VWF: variants seen among roughly 807,000 people sequenced by gnomAD.
VWF encodes the protein von Willebrand factor.
Under a neutral mutation model 308.6 loss-of-function variants are expected in VWF, and 176 were observed. The observed-to-expected ratio is 0.57, with a 90% CI of 0.50 to 0.65. VWF has a LOEUF of 0.65. VWF is among the 30% of genes least tolerant of loss of function. VWF has a pLI of 0.00. For synonymous variants in VWF, 1,385 were observed against 1,443.4 expected (o/e 0.96, Z 0.92); for missense variants, 3,146 against 3,648.2 (o/e 0.86, Z 3.55).
chr12:6,098,208 G>A (rs370850143), intron 5 of VWF, among the ~76,000 whole-genome samples: 2 of 152,352 alleles, frequency 1.3e-5, no homozygotes, highest in East Asian at 3.9e-4. Context: ...AAACATTGTT[G>A]AGTCTTTAAC....
At chr12:5,954,800 G>C (rs1196863654) in intron 47 of VWF, among the ~76,000 whole-genome samples, 1 of 152,182 alleles carries the variant, frequency 6.6e-6, no homozygotes, top group Non-Finnish European at 1.5e-5. Context: ...ACACGGGAGA[G>C]AGTTTGCTGT....
chr12:6,106,191 T>C (rs1012037760), intron 5 of VWF, among the ~76,000 whole-genome samples: 2 of 152,220 alleles, frequency 1.3e-5, no homozygotes. Context: ...GTACGGTCTG[T>C]ATGCACAATG....
At chr12:5,976,809 T>C (rs561177188) in intron 42 of VWF, among the ~76,000 whole-genome samples, 1 of 152,202 alleles carries the variant, frequency 6.6e-6, no homozygotes, top group South Asian at 2.1e-4. Flanking sequence ...AACAATAGGC[T>C]CTGGTAGAGA....
chr12:6,023,806 G>A lies in VWF; in HGVS notation c.3223-19C>T. 3 of 1,610,642 alleles carry A rather than the reference G, an allele frequency of 1.9e-6. No individual in the cohort carries two copies. The African/African-American group carries it at 4.0e-5, about 22-fold the overall frequency. ...GGTCCACCTGCAAAGGCAGCCTCAGGTGGCCCAGGCCTATGGCCAGGTGTC... is the reference window on the plus strand; with the variant it reads ...GGTCCACCTGCAAAGGCAGCCTCAGATGGCCCAGGCCTATGGCCAGGTGTC... On this transcript the variant is annotated intron_variant, in intron 24 of 51. Transcript: ENST00000261405.
intron 15 of VWF, among the ~76,000 whole-genome samples, chr12:6,054,760 C>G (rs1417677929): frequency 6.7e-6 from 1 of 148,594 alleles, no homozygotes. Flanking sequence ...TAAGTCTGTG[C>G]TCCCTGAGTG....
At chr12:6,010,436 G>C (rs1943981465) in intron 34 of VWF, among the ~76,000 whole-genome samples, 1 of 152,200 alleles carries the variant, frequency 6.6e-6, no homozygotes, top group Non-Finnish European at 1.5e-5. Flanking sequence ...TCACCTGTTA[G>C]AGGAGAATCT....
At position 6,019,360 on chromosome 12, in the gene VWF, T is replaced by A; in HGVS notation, c.4058A>T (p.Gln1353Leu). 6.2e-7 allele frequency: 1 copy of A among 1,613,828 alleles called. No individual in the cohort carries two copies. Among genetic ancestry groups the A allele is most frequent in the East Asian group, 2.2e-5 (1 of 44,884 alleles). The change falls in exon 28 of 52, where the codon CAG becomes CTG. Residue 1353 changes from glutamine (Q) to leucine (L), a missense_variant. Coordinates refer to ENST00000261405, the MANE Select transcript of VWF (RefSeq NM_000552.5). The surrounding 1 kb of genome is among the most constrained non-coding windows in gnomAD (Gnocchi z 5.8). Reference sequence around the variant, plus strand: ...CAAGACCTCGCTGGTGGAGGCCACCTGGCTGCCCGCATACTTCACCTGGCT... The same window carrying A: ...CAAGACCTCGCTGGTGGAGGCCACCAGGCTGCCCGCATACTTCACCTGGCT... ...IASQVKYAGS[Q>L]VASTSEVLKY...
At chr12:6,124,202 A>G (rs1410633152) in intron 1 of VWF, among the ~76,000 whole-genome samples, 1 of 152,170 alleles carries the variant, frequency 6.6e-6, no homozygotes, top group Non-Finnish European at 1.5e-5. Flanking sequence ...AAGTACTATC[A>G]AACAGTAAAA....
intron 44 of VWF, among the ~76,000 whole-genome samples, chr12:5,970,469 C>T (rs1943459952): frequency 6.6e-6 from 1 of 152,130 alleles, no homozygotes; most frequent in South Asian, 2.1e-4. Flanking sequence ...CAGCTCTCAG[C>T]CCCACCAGGA....
rs374329353 is a variant in VWF, at chr12:5,981,900, C to T, written c.7173G>A (p.Glu2391=). 2 of 1,612,566 alleles carry T rather than the reference C, an allele frequency of 1.2e-6. No homozygotes were observed. Among genetic ancestry groups the T allele is most frequent in the African/African-American group, 1.3e-5 (1 of 74,736 alleles). The change falls in exon 42 of 52, where the codon GAG becomes GAA. Residue 2391 remains glutamate (E), a synonymous_variant. Coordinates refer to ENST00000261405, the MANE Select transcript of VWF (RefSeq NM_000552.5). ...TGACACAGTTGCAGGCACACTCATA[C>T]TCATCACAGCACTGGGTCTTCCGAA... ...PTLRKTQCCD[E]YECACNCVNS... is the part of the protein sequence containing the mutation.
intron 16 of VWF, among the ~76,000 whole-genome samples, chr12:6,049,112 T>C (rs1432263080): frequency 6.6e-6 from 1 of 152,166 alleles, no homozygotes; most frequent in Non-Finnish European, 1.5e-5. Flanking sequence ...GGCCACAGCA[T>C]TTCACCCTCC....
Position 6,124,579 on chromosome 12 carries a change from G to A in VWF, c.-159C>T, listed in dbSNP as rs1377065283. On this transcript the variant is annotated 5_prime_UTR_variant, in exon 1 of 52. Transcript: ENST00000261405. ...ACTGTCTTGCTGTTATGTAGCCCAG[G>A]GGCTGTGGAGTCCCCACTGCTGGGG... 6.6e-6 allele frequency: 1 copy of A among 152,380 alleles called. No individual in the cohort carries two copies. Among genetic ancestry groups the A allele is most frequent in the Non-Finnish European group, 1.5e-5 (1 of 68,162 alleles). 9.4% of individuals were successfully genotyped at this position (152,380 alleles called of 1,614,324 possible). A position where few individuals can be genotyped will look rare whatever the true frequency, so the allele number is the denominator to read the frequency against.
intron 47 of VWF, among the ~76,000 whole-genome samples, chr12:5,964,282 A>ACATACATACATACATACATGCATG (rs1269684878): frequency 7.0e-6 from 1 of 143,366 alleles, no homozygotes; most frequent in Non-Finnish European, 1.5e-5. Context: ...ATGCATACAT[A>ACATACATACATACATACATGCATG]CATGCATACA....
At chr12:6,023,423 C>A (rs546909687) in intron 25 of VWF, among the ~76,000 whole-genome samples, 76 of 152,324 alleles carry the variant, frequency 5.0e-4, no homozygotes, top group Admixed American at 1.5e-3. Flanking sequence ...CATGTTCATG[C>A]CTTGAATCCA....
intron 45 of VWF, among the ~76,000 whole-genome samples, chr12:5,969,000 C>A (rs1943437424): frequency 1.3e-5 from 2 of 152,144 alleles, no homozygotes; most frequent in South Asian, 4.1e-4. Context: ...GGGCCGAATC[C>A]CAGTCTTGCC....
chr12:5,969,995 C>T (rs776562408), intron 44 of VWF, among the ~76,000 whole-genome samples: 1 of 152,206 alleles, frequency 6.6e-6, no homozygotes, highest in Non-Finnish European at 1.5e-5. Flanking sequence ...CGGCCAGCAC[C>T]CAGATATGTA....
intron 6 of VWF, among the ~76,000 whole-genome samples, chr12:6,087,788 A>C: frequency 6.6e-6 from 1 of 152,138 alleles, no homozygotes; most frequent in East Asian, 1.9e-4. Context: ...ACCAACTCTG[A>C]GTTCTTATGA....
rs111641602 is a variant in VWF, at chr12:6,068,424, T to C, written c.1156+2873A>G. Among the ~76,000 whole-genome samples the C allele has an allele frequency of 4.2e-3, 636 of 151,808 alleles. 2 individuals carry two copies. The highest frequency in any genetic ancestry group is 7.9e-3 in the Admixed American group (121 of 15,250). ...AACTCAGACTTCCACCAGATGCAAA[T>C]TGTCACCAAAGCCTGCAACATAATC... On this transcript the variant is annotated intron_variant, in intron 10 of 51. Transcript: ENST00000261405.
intron 32 of VWF, among the ~76,000 whole-genome samples, chr12:6,012,795 G>A (rs796166587): frequency 7.3e-5 from 11 of 151,200 alleles, no homozygotes; most frequent in African/African-American, 2.2e-4. Context: ...TCTGCCTCCC[G>A]GGTTCACACC....
Sources: gnomAD v4.1 joint callset for allele counts (sites outside exome capture counted in the v4.1 genomes callset) on GRCh38, gnomAD v4.1.1 for gene constraint, Gnocchi (gnomAD v3.1) non-coding constraint, MANE v1.5 for transcripts, NCBI Gene and HGNC (gene_info 2026-07-23, HGNC 2026-07-21) for gene names.